The following ACYP2 variants were observed in gnomAD, a reference collection of about 807,000 sequenced individuals.
ACYP2 encodes the protein acylphosphatase-2.
A neutral mutation model predicts 11.2 loss-of-function variants in ACYP2; 12 were observed. That is an observed-to-expected ratio of 1.08 (90% CI 0.69 to 1.74). The LOEUF is 1.74. Among genes scored for constraint, ACYP2 ranks in the 40% most tolerant of loss-of-function variants. The pLI is 0.00. For missense variants in ACYP2, 134 were observed against 101.9 expected (o/e 1.31, Z -1.35); for synonymous variants, 43 against 32.2 (o/e 1.33, Z -1.13).
At chr2:54,148,109 C>T (rs2103803692) in intron 6 of ACYP2, among the ~76,000 whole-genome samples, 1 of 152,184 alleles carries the variant, frequency 6.6e-6, no homozygotes, top group Non-Finnish European at 1.5e-5. Flanking sequence ...ACAGTTAAGG[C>T]AGGAACGAGT....
At chr2:54,275,404 A>G (rs1428776778) in intron 6 of ACYP2, among the ~76,000 whole-genome samples, 5 of 152,182 alleles carry the variant, frequency 3.3e-5, no homozygotes, top group Non-Finnish European at 7.4e-5. Flanking sequence ...GAAATTGGCT[A>G]TTTCATAGAG....
chr2:54,027,844 T>TTTC (rs1674380282), intron 2 of ACYP2, among the ~76,000 whole-genome samples: 3 of 144,506 alleles, frequency 2.1e-5, no homozygotes, highest in Non-Finnish European at 4.6e-5. Flanking sequence ...TTTCTTTTTT[T>TTTC]TTTTTTTTTT....
chr2:53,980,148 G>T (rs543560878), intron 2 of ACYP2, among the ~76,000 whole-genome samples: 308 of 152,164 alleles, frequency 2.0e-3, no homozygotes, highest in Non-Finnish European at 3.6e-3. Flanking sequence ...TTCAAGACCA[G>T]CTATGTTACC....
chr2:54,259,370 T>G (rs1687685495), intron 6 of ACYP2, among the ~76,000 whole-genome samples: 1 of 152,128 alleles, frequency 6.6e-6, no homozygotes, highest in African/African-American at 2.4e-5. Context: ...AAGGGTTGGA[T>G]GAGAACACTA....
At chr2:54,015,391 C>G (rs1673621843) in intron 2 of ACYP2, among the ~76,000 whole-genome samples, 1 of 151,936 alleles carries the variant, frequency 6.6e-6, no homozygotes, top group Non-Finnish European at 1.5e-5. Context: ...GCCTGTAATC[C>G]CAGCTACGTG....
intron 2 of ACYP2, among the ~76,000 whole-genome samples, chr2:54,043,168 T>G (rs887226521): frequency 6.6e-6 from 1 of 152,128 alleles, no homozygotes; most frequent in Non-Finnish European, 1.5e-5. Context: ...GTTGAGTGGT[T>G]GAGTTCAGGA....
At chr2:54,286,432 A>G (rs1447033400) in intron 6 of ACYP2, among the ~76,000 whole-genome samples, 1 of 152,018 alleles carries the variant, frequency 6.6e-6, no homozygotes, top group Non-Finnish European at 1.5e-5. Flanking sequence ...TTGAACCATT[A>G]CAAAGAGTCC....
At chr2:54,025,402 A>C (rs1049157480) in intron 2 of ACYP2, among the ~76,000 whole-genome samples, 2 of 152,180 alleles carry the variant, frequency 1.3e-5, no homozygotes, top group African/African-American at 4.8e-5. Flanking sequence ...AGCAGAACAG[A>C]ATAGAGAACC....
chr2:54,065,621 A>G (rs1245165269), intron 4 of ACYP2: 8 of 397,628 alleles, frequency 2.0e-5, no homozygotes, highest in Non-Finnish European at 3.5e-5. Context: ...GTAAGTGGAA[A>G]GCCATTTTAG....
intron 2 of ACYP2, among the ~76,000 whole-genome samples, chr2:53,981,203 A>G (rs1392789278): frequency 6.6e-6 from 1 of 152,230 alleles, no homozygotes; most frequent in East Asian, 1.9e-4. Context: ...TACACAGCCT[A>G]GAAGTGTTAC....
At chr2:54,131,357 G>A (rs2103766226) in intron 4 of ACYP2, among the ~76,000 whole-genome samples, 1 of 152,316 alleles carries the variant, frequency 6.6e-6, no homozygotes, top group Middle Eastern at 3.4e-3. Context: ...CATCATCAAT[G>A]AATAGATGGT....
chr2:54,156,603 T>A (rs1682443486), intron 6 of ACYP2, among the ~76,000 whole-genome samples: 1 of 152,244 alleles, frequency 6.6e-6, no homozygotes, highest in Non-Finnish European at 1.5e-5. Flanking sequence ...TCATTTCTTT[T>A]TATGGCTGCA....
intron 4 of ACYP2, among the ~76,000 whole-genome samples, chr2:54,085,926 A>C (rs1404304441): frequency 6.6e-6 from 1 of 152,088 alleles, no homozygotes; most frequent in East Asian, 1.9e-4. Context: ...GGTGACTCTA[A>C]AAGTTTCTTT....
chr2:54,280,390 A>T (rs1688796092), intron 6 of ACYP2, among the ~76,000 whole-genome samples: 1 of 152,176 alleles, frequency 6.6e-6, no homozygotes, highest in South Asian at 2.1e-4. Flanking sequence ...GCATGGAGGT[A>T]GAGGCAGATA....
chr2:54,276,653 A>ACACC (rs1553405216), intron 6 of ACYP2, among the ~76,000 whole-genome samples: 1 of 148,362 alleles, frequency 6.7e-6, no homozygotes, highest in Non-Finnish European at 1.5e-5. Context: ...ACACACACAC[A>ACACC]CACACACACC....
At position 54,154,724 on chromosome 2, in the gene ACYP2, C is replaced by T. The variant is rs185161587; in HGVS notation, c.404+15976C>T. 4.7e-3 allele frequency among the ~76,000 whole-genome samples: 720 copies of T among 152,230 alleles called. 2 individuals carry two copies. Among genetic ancestry groups the T allele is most frequent in the Middle Eastern group, 0.017 (5 of 294 alleles). ...ATCTATGTTCATCAGGGATATTGGCCTGTAATTTTCTTTTCTCATAATGTT... is the reference window on the plus strand; with the variant it reads ...ATCTATGTTCATCAGGGATATTGGCTTGTAATTTTCTTTTCTCATAATGTT... On this transcript the variant is annotated intron_variant, in intron 6 of 6. Coordinates refer to ENST00000607452, the MANE Select transcript of ACYP2 (RefSeq NM_001320586.2).
intron 6 of ACYP2, among the ~76,000 whole-genome samples, chr2:54,205,128 C>A (rs1685018648): frequency 6.6e-6 from 1 of 152,166 alleles, no homozygotes; most frequent in African/African-American, 2.4e-5. Context: ...ATTGCTAAGT[C>A]CCTTAAATGT....
chr2:54,077,000 T>C (rs1572701218), intron 4 of ACYP2, among the ~76,000 whole-genome samples: 2 of 128,986 alleles, frequency 1.6e-5, no homozygotes, highest in Admixed American at 1.5e-4. Context: ...TGAATTTTAC[T>C]AAAAACACAT....
At chr2:54,286,652 G>C (rs1270608121) in intron 6 of ACYP2, among the ~76,000 whole-genome samples, 1 of 151,998 alleles carries the variant, frequency 6.6e-6, no homozygotes, top group Non-Finnish European at 1.5e-5. Flanking sequence ...GAATATAATT[G>C]TACTGATTAA....
Sources: allele counts gnomAD v4.1 joint callset (sites outside exome capture counted in the v4.1 genomes callset), GRCh38; gene constraint gnomAD v4.1.1; transcripts MANE v1.5; gene names NCBI Gene and HGNC (gene_info 2026-07-23, HGNC 2026-07-21).